CHIC2: variants seen among roughly 807,000 people sequenced by gnomAD.
The protein encoded by CHIC2 is cysteine-rich hydrophobic domain-containing protein 2.
Under a neutral mutation model 25.9 loss-of-function variants are expected in CHIC2, and 14 were observed. The ratio of observed to expected loss-of-function variants is 0.54; its 90% CI spans 0.36 to 0.85. The LOEUF is 0.85. Ranked by LOEUF, CHIC2 falls within the 40% of genes least tolerant of loss-of-function variation. The probability of loss-of-function intolerance (pLI) is 0.01; values close to 1 mark genes in which losing one functional copy is unlikely to be tolerated. For synonymous variants in CHIC2, 70 were observed against 72.0 expected (o/e 0.97, Z 0.14); for missense variants, 146 against 202.0 (o/e 0.72, Z 1.68).
intron 3 of CHIC2, among the ~76,000 whole-genome samples, chr4:54,026,519 CA>C (rs1004006955): frequency 6.7e-6 from 1 of 148,290 alleles, no homozygotes; most frequent in Non-Finnish European, 1.5e-5. Context: ...GACTCTGTCT[CA>C]AAAAAAAAGA....
At chr4:54,088,522 T>C in the CHIC2 span, among the ~76,000 whole-genome samples, 5 of 152,076 alleles carry the variant, frequency 3.3e-5, no homozygotes, top group Admixed American at 2.6e-4. Flanking sequence ...TGTGAGCTTG[T>C]AGGGGAAGAG....
At chr4:54,078,824 A>T in the CHIC2 span, among the ~76,000 whole-genome samples, 1 of 151,944 alleles carries the variant, frequency 6.6e-6, no homozygotes, top group Non-Finnish European at 1.5e-5. Flanking sequence ...CTCTCTTATG[A>T]TTTGTTAACT....
chr4:54,039,964 A>T (rs1716511113), intron 3 of CHIC2, among the ~76,000 whole-genome samples: 2 of 152,222 alleles, frequency 1.3e-5, no homozygotes, highest in African/African-American at 4.8e-5. Flanking sequence ...ATTTTACTCC[A>T]TTTATATAAT....
intron 3 of CHIC2, among the ~76,000 whole-genome samples, chr4:54,034,720 C>T (rs191452235): frequency 6.6e-6 from 1 of 152,138 alleles, no homozygotes; most frequent in Non-Finnish European, 1.5e-5. Flanking sequence ...AGTATTATTA[C>T]TATACTTGTT....
intron 3 of CHIC2, among the ~76,000 whole-genome samples, chr4:54,044,327 C>A (rs562117303): frequency 1.5e-4 from 23 of 152,346 alleles, no homozygotes; most frequent in Non-Finnish European, 1.5e-4. Context: ...GAACTCTCCA[C>A]CCCAAATCAA....
chr4:54,058,291 A>AGG (rs1717233092), intron 1 of CHIC2, among the ~76,000 whole-genome samples: 2 of 152,158 alleles, frequency 1.3e-5, no homozygotes, highest in African/African-American at 4.8e-5. Context: ...GTAACCTCTA[A>AGG]GGTGGATATT....
At chr4:54,057,625 C>A (rs1717216198) in intron 1 of CHIC2, among the ~76,000 whole-genome samples, 1 of 152,146 alleles carries the variant, frequency 6.6e-6, no homozygotes, top group Non-Finnish European at 1.5e-5. Flanking sequence ...TCCATGAGGG[C>A]AGAAACTATG....
intron 3 of CHIC2, among the ~76,000 whole-genome samples, chr4:54,025,211 A>T (rs1361178693): frequency 6.6e-6 from 1 of 152,202 alleles, no homozygotes; most frequent in Non-Finnish European, 1.5e-5. Flanking sequence ...TCCACAAAAG[A>T]AGTGAAAATA....
At chr4:54,076,868 T>C in the CHIC2 span, 3 of 152,198 alleles carry the variant, frequency 2.0e-5, no homozygotes, top group Admixed American at 2.0e-4. Flanking sequence ...GTTAAGAATG[T>C]TTTGGGATTG....
chr4:54,046,701 A>G (rs1191793567), intron 3 of CHIC2, among the ~76,000 whole-genome samples: 1 of 152,216 alleles, frequency 6.6e-6, no homozygotes, highest in Non-Finnish European at 1.5e-5. Context: ...AAACCCTAGA[A>G]GAAAACCTAG....
At position 54,010,237 on chromosome 4, in the gene CHIC2, CCATT is replaced by C. The variant is rs570866765; in HGVS notation, c.448-96_448-93del. ...ATGCTTTCACAATTTTTTTGAAAATCCATTCACATTTTAAAACGCAACTTTGCAT... is the reference window on the plus strand; with the variant it reads ...ATGCTTTCACAATTTTTTTGAAAATCCACATTTTAAAACGCAACTTTGCAT... On this transcript the variant is annotated intron_variant, in intron 5 of 5. Coordinates refer to ENST00000263921, the MANE Select transcript of CHIC2 (RefSeq NM_012110.4). 2.4e-4 allele frequency: 206 copies of C among 866,130 alleles called. No homozygotes were observed. The African/African-American group carries it at 3.3e-3, about 14-fold the overall frequency. The allele number at this position is 866,130 out of a possible 1,614,324, so 53.7% of individuals were successfully genotyped here. A position where few individuals can be genotyped will look rare whatever the true frequency, so the allele number is the denominator to read the frequency against.
chr4:54,072,354 G>A, the CHIC2 span, among the ~76,000 whole-genome samples: 1 of 151,484 alleles, frequency 6.6e-6, no homozygotes, highest in African/African-American at 2.4e-5. Context: ...AAAATACTTA[G>A]TTTATGTACT....
chr4:54,014,248 T>C (rs1194385484), intron 3 of CHIC2, 129 bp from the exon 4 acceptor site: 4 of 683,686 alleles, frequency 5.9e-6, no homozygotes, highest in Non-Finnish European at 1.0e-5. Flanking sequence ...TGCATCACTA[T>C]CGATGTTCTA....
At chr4:54,072,030 C>T in the CHIC2 span, among the ~76,000 whole-genome samples, 2 of 151,622 alleles carry the variant, frequency 1.3e-5, no homozygotes, top group African/African-American at 2.4e-5. Context: ...TGCGGTGGCT[C>T]ACGTCTGTAA....
the CHIC2 span, among the ~76,000 whole-genome samples, chr4:54,084,705 C>A: frequency 6.6e-6 from 1 of 151,916 alleles, no homozygotes; most frequent in Non-Finnish European, 1.5e-5. Flanking sequence ...GTTGGGAGGC[C>A]AGGGCAGACA....
intron 5 of CHIC2, among the ~76,000 whole-genome samples, chr4:54,012,104 T>A (rs1322759516): frequency 1.3e-5 from 2 of 151,974 alleles, no homozygotes; most frequent in African/African-American, 4.8e-5. Flanking sequence ...AACACATTTT[T>A]TCTCCCCAGC....
chr4:54,061,614 T>C (rs1278781387), intron 1 of CHIC2, among the ~76,000 whole-genome samples: 6 of 152,116 alleles, frequency 3.9e-5, no homozygotes, highest in African/African-American at 7.2e-5. Context: ...GCAAGAAAAA[T>C]TGAATGTGCT....
intron 3 of CHIC2, among the ~76,000 whole-genome samples, chr4:54,019,900 A>AG (rs1247682707): frequency 6.6e-6 from 1 of 152,060 alleles, no homozygotes; most frequent in African/African-American, 2.4e-5. Context: ...ATTGTTAAAA[A>AG]AAAATTATCC....
intron 1 of CHIC2, among the ~76,000 whole-genome samples, chr4:54,054,693 C>T (rs1717120674): frequency 6.6e-6 from 1 of 152,082 alleles, no homozygotes; most frequent in Admixed American, 6.5e-5. Context: ...ACAGCTAATC[C>T]CTGGGCTGGG....
Sources: allele counts gnomAD v4.1 joint callset (sites outside exome capture counted in the v4.1 genomes callset), GRCh38; gene constraint gnomAD v4.1.1; transcripts MANE v1.5; gene names NCBI Gene and HGNC (gene_info 2026-07-23, HGNC 2026-07-21).